Variants in AHRR observed in about 807,000 individuals in gnomAD.
AHRR encodes the protein aryl hydrocarbon receptor repressor.
In AHRR, 28 loss-of-function variants were observed where a neutral mutation model predicts 44.0. The observed-to-expected ratio is 0.64, with a 90% CI of 0.47 to 0.87. The LOEUF (loss-of-function observed/expected upper bound fraction) is 0.87, where lower values mean the gene tolerates loss of function less well. Among genes scored for constraint, AHRR ranks in the 40% least tolerant of loss-of-function variants. The pLI, the probability that AHRR is intolerant of heterozygous loss-of-function variation, is 0.00. For synonymous variants in AHRR, 434 were observed against 407.0 expected, an observed-to-expected ratio of 1.07 and a Z score of -0.80; for missense variants, 990 against 953.9, an observed-to-expected ratio of 1.04 and a Z score of -0.50.
chr5:370,136 G>GCTGGAAGCCCCGTCCTCCCGGGCCCTCA lies in AHRR; in HGVS notation c.245-6470_245-6469insAAGCCCCGTCCTCCCGGGCCCTCACTGG, dbSNP rs1743519604. Among the ~76,000 whole-genome samples the GCTGGAAGCCCCGTCCTCCCGGGCCCTCA allele has an allele frequency of 7.1e-6, 1 of 140,896 alleles. No individual in the cohort carries two copies. The highest frequency in any genetic ancestry group is 1.5e-5 in the Non-Finnish European group (1 of 64,902). 92.4% of individuals were successfully genotyped at this position (140,896 alleles called of 152,430 possible). On this transcript the variant is annotated intron_variant, in intron 3 of 10. Transcript: ENST00000684583. This position sits in a 1 kb window ranked among gnomAD's most constrained non-coding sequence, Gnocchi z 4.5. ...GGAAGCCCCGTCCTCCCGGGCCCTC[G>GCTGGAAGCCCCGTCCTCCCGGGCCCTCA]CTGGTGCCCCGTCCTCCCGGGCCCT...
intron 3 of AHRR, among the ~76,000 whole-genome samples, chr5:374,076 C>T (rs1168153463): frequency 6.6e-6 from 1 of 152,090 alleles, no homozygotes; most frequent in African/African-American, 2.4e-5. Flanking sequence ...GGCTCCGCTG[C>T]GGGAGCGACC....
At chr5:389,351 G>A (rs980935000) in intron 4 of AHRR, among the ~76,000 whole-genome samples, 2 of 152,174 alleles carry the variant, frequency 1.3e-5, no homozygotes, top group African/African-American at 2.4e-5. Context: ...CAGAGAGATC[G>A]CTGGGAAGTG....
At chr5:381,091 G>A (rs186030973) in intron 4 of AHRR, among the ~76,000 whole-genome samples, 192 of 152,344 alleles carry the variant, frequency 1.3e-3, no homozygotes, top group Admixed American at 3.1e-3. Flanking sequence ...GAGAAAGAGA[G>A]AACAGAAAGC....
rs74538333 is a variant in AHRR at position 395,875 on chromosome 5, G to A, written c.352-17469G>A. 0.027 allele frequency among the ~76,000 whole-genome samples: 4,079 copies of A among 152,306 alleles called. 173 individuals carry two copies. The highest frequency in any genetic ancestry group is 0.088 in the African/African-American group (3,675 of 41,552). ...AGGAGGTGAAGCAAAAGGGATGAGC[G>A]TCCCCTTCCTCCAGCTTCCTCCATG... On this transcript the variant is annotated intron_variant, in intron 4 of 10. Transcript: ENST00000684583. This position sits in a 1 kb window ranked among gnomAD's most constrained non-coding sequence, Gnocchi z 5.3.
chr5:386,828 C>T (rs1316548521), intron 4 of AHRR, among the ~76,000 whole-genome samples: 1 of 151,790 alleles, frequency 6.6e-6, no homozygotes, highest in Non-Finnish European at 1.5e-5. Flanking sequence ...GACTTCATCC[C>T]GGACACTTTT....
At chr5:400,649 CAT>C (rs1402295426) in intron 4 of AHRR, among the ~76,000 whole-genome samples, 1 of 152,014 alleles carries the variant, frequency 6.6e-6, no homozygotes, top group Admixed American at 6.6e-5. Context: ...GATGGGCCCA[CAT>C]GTGTAAAAGT....
intron 4 of AHRR, among the ~76,000 whole-genome samples, chr5:409,125 G>A (rs1330431196): frequency 6.6e-6 from 1 of 152,042 alleles, no homozygotes; most frequent in African/African-American, 2.4e-5. Flanking sequence ...TTAACGTAGT[G>A]TTTTTGCAAT....
chr5:354,043 C>A, intron 3 of AHRR, 132 bp downstream of exon 3: 1 of 980,248 alleles, frequency 1.0e-6, no homozygotes, highest in Non-Finnish European at 1.5e-6. Flanking sequence ...TTCCCCCACG[C>A]TGCCCCCAGA....
At chr5:360,152 T>G (rs980278651) in intron 3 of AHRR, among the ~76,000 whole-genome samples, 1 of 152,114 alleles carries the variant, frequency 6.6e-6, no homozygotes, top group South Asian at 2.1e-4. Context: ...CCTGAACTGA[T>G]AGGACCAGTG....
intron 2 of AHRR, 124 bp downstream of exon 2, chr5:344,088 G>T (rs1560883857): frequency 1.0e-5 from 11 of 1,091,944 alleles, no homozygotes; most frequent in South Asian, 7.2e-5. Flanking sequence ...AGCCGGGCGG[G>T]CCGGGGCTGA....
At chr5:341,475 AT>A (rs1742345322) in intron 1 of AHRR, among the ~76,000 whole-genome samples, 1 of 145,744 alleles carries the variant, frequency 6.9e-6, no homozygotes, top group Non-Finnish European at 1.5e-5. Flanking sequence ...TTTTGGTTTA[AT>A]CACTTTCCTT....
rs1310148409 is a variant in AHRR, at chr5:434,566, C to T, written c.1826C>T (p.Thr609Ile). The change falls in exon 11 of 11, where the codon ACC becomes ATC. Residue 609 changes from threonine (T) to isoleucine (I), a missense_variant. Physicochemically the swap from Thr to Ile is moderately conservative, Grantham distance 89 (BLOSUM62 -1). Transcript: ENST00000684583. ...ACTGCTGGGCGCAGCAGGGAGCTGA[C>T]CCCTTTCCACCCTGCACACTGTGCC... ...RATAGRSREL[T>I]PFHPAHCACL... 1 of 1,588,704 alleles carries T rather than the reference C, an allele frequency of 6.3e-7. No individual in the cohort carries two copies. The highest frequency in any genetic ancestry group is 1.1e-5 in the South Asian group (1 of 88,214).
At chr5:420,415 A>G (rs10066553) in intron 5 of AHRR, among the ~76,000 whole-genome samples, 3,551 of 149,978 alleles carry the variant, frequency 0.024, 83 homozygotes, top group Admixed American at 0.053. Flanking sequence ...GCAAAGGAGG[A>G]GTGACCCCCC....
chr5:397,432 C>T (rs900496142), intron 4 of AHRR, among the ~76,000 whole-genome samples: 424 of 94,814 alleles, frequency 4.5e-3, no homozygotes, highest in South Asian at 8.3e-3. Flanking sequence ...TGACCATCCA[C>T]GTAGCTCCTG....
rs1736052302 is a variant in AHRR, at chr5:420,807, A to ACCCACCCACGCAGCAC, written c.442-1922_442-1921insCCCACCCACGCAGCAC. ...CCGCGCTGCACGCACGCAGCCACGCAGCCACCCACCCACGCAGCCACCCAC... is the reference window on the plus strand; with the variant it reads ...CCGCGCTGCACGCACGCAGCCACGCACCCACCCACGCAGCACGCCACCCACCCACGCAGCCACCCAC... On this transcript the variant is annotated intron_variant, in intron 5 of 10. Coordinates refer to ENST00000684583, the MANE Select transcript of AHRR (RefSeq NM_001377236.1). 6 of 68,474 alleles carry ACCCACCCACGCAGCAC rather than the reference A, an allele frequency of 8.8e-5. 1 individual carries two copies. Among genetic ancestry groups the ACCCACCCACGCAGCAC allele is most frequent in the South Asian group, 7.4e-4 (6 of 8,076 alleles). The allele number at this position is 68,474 out of a possible 1,614,324, so 4.2% of individuals were successfully genotyped here. A position where few individuals can be genotyped will look rare whatever the true frequency, so the allele number is the denominator to read the frequency against.
chr5:355,426 C>T (rs1445295385), intron 3 of AHRR, among the ~76,000 whole-genome samples: 2 of 152,192 alleles, frequency 1.3e-5, no homozygotes, highest in Admixed American at 6.5e-5. Context: ...CGTGTCTGGA[C>T]AGCGCAGGAA....
chr5:416,942 C>T (rs139267086), intron 5 of AHRR, among the ~76,000 whole-genome samples: 12,897 of 151,092 alleles, frequency 0.085, 650 homozygotes, highest in Admixed American at 0.13. Flanking sequence ...TCTTTATGTG[C>T]AGGGCCCGAG....
At chr5:396,705 A>C (rs535563097) in intron 4 of AHRR, among the ~76,000 whole-genome samples, 5 of 152,148 alleles carry the variant, frequency 3.3e-5, no homozygotes, top group Non-Finnish European at 5.9e-5. Context: ...CAGAGGTTTC[A>C]CCAGGGAGGA....
chr5:404,213 C>A lies in AHRR; in HGVS notation c.352-9131C>A. 1.9e-6 allele frequency: 1 copy of A among 524,060 alleles called. No homozygotes were observed. Among genetic ancestry groups the A allele is most frequent in the Non-Finnish European group, 3.7e-6 (1 of 267,526 alleles). The allele number at this position is 524,060 out of a possible 1,614,324, so 32.5% of individuals were successfully genotyped here. A position where few individuals can be genotyped will look rare whatever the true frequency, so the allele number is the denominator to read the frequency against. On this transcript the variant is annotated intron_variant, in intron 4 of 10. Coordinates refer to ENST00000684583, the MANE Select transcript of AHRR (RefSeq NM_001377236.1). This position sits in a 1 kb window ranked among gnomAD's most constrained non-coding sequence, Gnocchi z 4.1. ...TCTGCAGCCTTTGAACCCGTCGCAG[C>A]TCTCGCTCATCCATGAGTCTAATCA...
Sources: allele counts gnomAD v4.1 joint callset (sites outside exome capture counted in the v4.1 genomes callset), GRCh38; gene constraint gnomAD v4.1.1; non-coding constraint Gnocchi (gnomAD v3.1); transcripts MANE v1.5; gene names NCBI Gene and HGNC (gene_info 2026-07-23, HGNC 2026-07-21).